Variants in DAB2IP observed in about 807,000 individuals in gnomAD.
DAB2IP encodes the protein DAB2 interacting protein.
A neutral mutation model predicts 107.2 loss-of-function variants in DAB2IP; 28 were observed. The observed-to-expected ratio is 0.26, with a 90% CI of 0.19 to 0.36. The LOEUF is 0.36. DAB2IP is among the 10% of genes least tolerant of loss of function. The pLI is 1.00. For synonymous variants in DAB2IP, 755 were observed against 706.4 expected (o/e 1.07, Z -1.09); for missense variants, 1,400 against 1,644.7 (o/e 0.85, Z 2.57).
rs966130547 is a variant in DAB2IP, at chr9:121,733,425, A to G, written c.363-23588A>G. 1.8e-4 allele frequency among the ~76,000 whole-genome samples: 27 copies of G among 152,182 alleles called. 1 individual carries two copies. The highest frequency in any genetic ancestry group is 1.3e-4 in the Admixed American group (2 of 15,278). On this transcript the variant is annotated intron_variant, in intron 3 of 15. Coordinates refer to ENST00000408936, the Ensembl canonical transcript of DAB2IP. ...GAAATGGGAAGCTTTTTGAGGTGGGAGGGTTTCAGACTCCCCCAGAGAGCC... is the reference window on the plus strand; with the variant it reads ...GAAATGGGAAGCTTTTTGAGGTGGGGGGGTTTCAGACTCCCCCAGAGAGCC...
At chr9:121,748,297 C>T (rs189914069) in intron 3 of DAB2IP, among the ~76,000 whole-genome samples, 8 of 152,280 alleles carry the variant, frequency 5.3e-5, no homozygotes, top group East Asian at 1.9e-4. Context: ...AGGAACGGGC[C>T]GTTGCTGGGG....
At chr9:121,678,977 T>G (rs1232323829) in intron 2 of DAB2IP, 196 bp downstream of exon 2, 2 of 481,746 alleles carry the variant, frequency 4.2e-6, no homozygotes, top group Non-Finnish European at 7.0e-6. Flanking sequence ...GGGGGCCACA[T>G]GGGGGGTCCC....
chr9:121,696,901 T>C lies in DAB2IP; in HGVS notation c.229-2424T>C, dbSNP rs377721459. On this transcript the variant is annotated intron_variant, in intron 2 of 15. Transcript: ENST00000408936. ...TTCCCTGGAAGAATCTCTTTTCCCATGATCTGAGCTCCCTGACCTCTTGAA... is the reference window on the plus strand; with the variant it reads ...TTCCCTGGAAGAATCTCTTTTCCCACGATCTGAGCTCCCTGACCTCTTGAA... Among the ~76,000 whole-genome samples the C allele has an allele frequency of 1.9e-4, 29 of 152,334 alleles. No individual in the cohort carries two copies. The East Asian group carries it at 3.1e-3, about 16-fold the overall frequency.
Position 121,780,670 on chromosome 9 carries a change from C to G in DAB2IP, c.3315-794C>G, listed in dbSNP as rs188595913. Among the ~76,000 whole-genome samples the G allele has an allele frequency of 4.6e-5, 7 of 152,236 alleles. No individual in the cohort carries two copies. In the East Asian group the frequency reaches 1.4e-3, roughly 29 times the overall value. The stretch of plus-strand genomic sequence containing the variant: ...GGCAGACCCAGAGAGTGTGGGGTCT[C>G]AAAGCCAAAGGAGAGTGGGAAGGTG... On this transcript the variant is annotated intron_variant, in intron 14 of 15. Coordinates refer to ENST00000408936, the Ensembl canonical transcript of DAB2IP.
At chr9:121,767,891 T>C (rs1228877325) in intron 9 of DAB2IP, among the ~76,000 whole-genome samples, 1 of 151,904 alleles carries the variant, frequency 6.6e-6, no homozygotes, top group Non-Finnish European at 1.5e-5. Flanking sequence ...CATTTGGGAA[T>C]GAGGAAGAGG....
At chr9:121,687,895 G>C (rs1020803204) in intron 2 of DAB2IP, among the ~76,000 whole-genome samples, 1 of 152,136 alleles carries the variant, frequency 6.6e-6, no homozygotes. Context: ...TTCATCTTAC[G>C]GACGAGGATG....
intron 6 of DAB2IP, among the ~76,000 whole-genome samples, chr9:121,761,917 G>A (rs780116318): frequency 1.1e-4 from 17 of 152,172 alleles, no homozygotes; most frequent in Non-Finnish European, 2.1e-4. Flanking sequence ...CCCAGGGCTG[G>A]GCTGGGGCTG....
chr9:121,746,216 G>T (rs115308126), intron 3 of DAB2IP, among the ~76,000 whole-genome samples: 1 of 152,124 alleles, frequency 6.6e-6, no homozygotes, highest in African/African-American at 2.4e-5. Context: ...AGAATGCCCC[G>T]GGAAGGCAGT....
intron 3 of DAB2IP, among the ~76,000 whole-genome samples, chr9:121,716,407 AG>A: frequency 6.6e-6 from 1 of 152,212 alleles, no homozygotes; most frequent in Non-Finnish European, 1.5e-5. Context: ...TCCCAAACTT[AG>A]GTCTGACTGG....
Position 121,776,540 on chromosome 9 carries a change from C to A in DAB2IP, c.3314+149C>A. Reference sequence around the variant, plus strand: ...GAGAGTGTCTGGGCAGTGGGAGCAGCGTGAGCACAGGCCTGGAGGCAGGAG... The same window carrying A: ...GAGAGTGTCTGGGCAGTGGGAGCAGAGTGAGCACAGGCCTGGAGGCAGGAG... On this transcript the variant is annotated intron_variant, in intron 14 of 15. Transcript: ENST00000408936. The surrounding 1 kb of genome is among the most constrained non-coding windows in gnomAD (Gnocchi z 5.4). 1.0e-6 allele frequency: 1 copy of A among 980,462 alleles called. No individual in the cohort carries two copies. Among genetic ancestry groups the A allele is most frequent in the Non-Finnish European group, 1.5e-6 (1 of 684,860 alleles). 60.7% of individuals were successfully genotyped at this position (980,462 alleles called of 1,614,324 possible).
chr9:121,741,666 C>T (rs1312272113), intron 3 of DAB2IP, among the ~76,000 whole-genome samples: 1 of 151,786 alleles, frequency 6.6e-6, no homozygotes, highest in Non-Finnish European at 1.5e-5. Context: ...CACTGAGGGT[C>T]CTTTTATAGA....
At chr9:121,670,591 G>A (rs763126257) in intron 1 of DAB2IP, among the ~76,000 whole-genome samples, 2 of 152,220 alleles carry the variant, frequency 1.3e-5, no homozygotes, top group Non-Finnish European at 2.9e-5. Flanking sequence ...TCCTTGGCTC[G>A]TGACCACCTC....
At chr9:121,703,577 T>C (rs913335280) in intron 3 of DAB2IP, among the ~76,000 whole-genome samples, 3 of 152,210 alleles carry the variant, frequency 2.0e-5, no homozygotes, top group African/African-American at 7.2e-5. Context: ...GATAATCATG[T>C]TGTTGAAGAC....
exon 12 of DAB2IP, chr9:121,773,273 G>A (rs776672970): frequency 3.9e-6 from 6 of 1,537,614 alleles, no homozygotes; most frequent in South Asian, 3.6e-5. Context: ...GCCCCCAGAG[G>A]AGGATCGACC....
At chr9:121,611,436 A>G (rs924993316) in intron 1 of DAB2IP, among the ~76,000 whole-genome samples, 1 of 152,212 alleles carries the variant, frequency 6.6e-6, no homozygotes. Flanking sequence ...TCTAAGGTCC[A>G]TCAGACAGAC....
Position 121,773,203 on chromosome 9 carries a change from G to A in DAB2IP, c.2675G>A (p.Arg892Gln), listed in dbSNP as rs750403945. The A allele has an allele frequency of 1.7e-5, 26 of 1,575,728 alleles. No individual in the cohort carries two copies. Among genetic ancestry groups the A allele is most frequent in the East Asian group, 1.2e-4 (5 of 42,538 alleles). ...CGGCGGCCCGGTGAGCTGGCACGGC[G>A]ACAGATGTCACTGACTGAAAAAGGC... is the stretch of plus-strand genomic sequence containing the variant. Residue 892 changes from arginine to glutamine, a missense_variant, in exon 12 of 16, where the codon CGA becomes CAA. By Grantham distance (43) the Arg-to-Gln change is conservative (BLOSUM62 1). Around this residue, in one of 3 missense-constraint regions of DAB2IP, gnomAD observed 600 missense variants for 659.1 expected, o/e 0.91. Transcript: ENST00000408936.
chr9:121,617,167 G>A (rs1831307261), intron 1 of DAB2IP, among the ~76,000 whole-genome samples: 1 of 152,120 alleles, frequency 6.6e-6, no homozygotes, highest in African/African-American at 2.4e-5. Flanking sequence ...TCTACTAAAA[G>A]TACAAAAATT....
intron 3 of DAB2IP, chr9:121,743,069 T>G (rs891431952): frequency 2.5e-4 from 232 of 915,286 alleles, no homozygotes; most frequent in Admixed American, 6.8e-4. Flanking sequence ...CTGGCTGGGA[T>G]GGACCTCACG....
chr9:121,659,780 C>T (rs1431093122), intron 1 of DAB2IP, among the ~76,000 whole-genome samples: 7 of 151,724 alleles, frequency 4.6e-5, no homozygotes, highest in Admixed American at 1.3e-4. Context: ...GGTGACAGAG[C>T]GAGATTCCGT....
Sources: allele counts gnomAD v4.1 joint callset (sites outside exome capture counted in the v4.1 genomes callset), GRCh38; gene constraint gnomAD v4.1.1; regional missense constraint gnomAD v4.1.1; non-coding constraint Gnocchi (gnomAD v3.1); transcripts MANE v1.5; gene names NCBI Gene and HGNC (gene_info 2026-07-23, HGNC 2026-07-21).